Variants in SLC24A2 observed in about 807,000 individuals in gnomAD.
SLC24A2 encodes solute carrier family 24 member 2, also known as sodium/potassium/calcium exchanger 2.
In SLC24A2, 36 loss-of-function variants were observed where a neutral mutation model predicts 62.0. The observed-to-expected ratio is 0.58, with a 90% CI of 0.44 to 0.77. The LOEUF is 0.77. Among genes scored for constraint, SLC24A2 ranks in the 30% least tolerant of loss-of-function variants. The probability of loss-of-function intolerance (pLI) is 0.00; values close to 1 mark genes in which losing one functional copy is unlikely to be tolerated. For synonymous variants in SLC24A2, 358 were observed against 294.0 expected (o/e 1.22, Z -2.23); for missense variants, 846 against 817.9 (o/e 1.03, Z -0.42).
the SLC24A2 span, among the ~76,000 whole-genome samples, chr9:20,168,236 A>G: frequency 3.3e-5 from 5 of 152,076 alleles, no homozygotes; most frequent in African/African-American, 9.6e-5. Flanking sequence ...AAACTAGTCA[A>G]TCTGATAAAG....
intron 2 of SLC24A2, among the ~76,000 whole-genome samples, chr9:19,778,175 C>T (rs1211439102): frequency 6.6e-6 from 1 of 152,152 alleles, no homozygotes; most frequent in Non-Finnish European, 1.5e-5. Flanking sequence ...TAATATATTA[C>T]TCCCTAAAAT....
At chr9:19,867,008 G>T in the SLC24A2 span, among the ~76,000 whole-genome samples, 1 of 151,806 alleles carries the variant, frequency 6.6e-6, no homozygotes, top group Non-Finnish European at 1.5e-5. Context: ...AACACAACAG[G>T]GTGACCATGG....
the SLC24A2 span, among the ~76,000 whole-genome samples, chr9:20,034,011 A>T: frequency 6.6e-6 from 1 of 152,166 alleles, no homozygotes; most frequent in Non-Finnish European, 1.5e-5. Context: ...CCACATTAGC[A>T]CTGTAGATAT....
At chr9:20,279,249 G>GGCCAGACA in the SLC24A2 span, among the ~76,000 whole-genome samples, 1 of 152,298 alleles carries the variant, frequency 6.6e-6, no homozygotes, top group African/African-American at 2.4e-5. Context: ...ATTTAAAACC[G>GGCCAGACA]GCCAGACATG....
the SLC24A2 span, among the ~76,000 whole-genome samples, chr9:19,894,099 G>A: frequency 6.6e-6 from 1 of 152,152 alleles, no homozygotes; most frequent in African/African-American, 2.4e-5. Flanking sequence ...GCTAAATTCA[G>A]GATTTATGTT....
At chr9:19,522,068 G>A (rs1833232555) in intron 9 of SLC24A2, among the ~76,000 whole-genome samples, 1 of 152,102 alleles carries the variant, frequency 6.6e-6, no homozygotes, top group African/African-American at 2.4e-5. Flanking sequence ...GAGTGCAGTG[G>A]CACAGCCACA....
the SLC24A2 span, among the ~76,000 whole-genome samples, chr9:20,119,661 T>C: frequency 6.6e-6 from 1 of 152,154 alleles, no homozygotes; most frequent in Admixed American, 6.5e-5. Context: ...TAATGAATAG[T>C]GTAAGGCTGA....
intron 2 of SLC24A2, among the ~76,000 whole-genome samples, chr9:19,695,013 G>T (rs956296962): frequency 1.8e-4 from 26 of 148,366 alleles, no homozygotes; most frequent in African/African-American, 5.9e-4. Flanking sequence ...TTTAAATTTG[G>T]GGCAAATAAA....
chr9:20,037,632 T>C, the SLC24A2 span, among the ~76,000 whole-genome samples: 4 of 152,200 alleles, frequency 2.6e-5, no homozygotes, highest in African/African-American at 9.7e-5. Flanking sequence ...TGGTCCCAAA[T>C]AGACTATTTA....
rs370040707 is a variant in SLC24A2 at position 19,697,276 on chromosome 9, C to T, written c.931-74977G>A. 7.9e-5 allele frequency among the ~76,000 whole-genome samples: 12 copies of T among 152,162 alleles called. No individual in the cohort carries two copies. In the East Asian group the frequency reaches 1.4e-3, roughly 17 times the overall value. ...TGGTGGGGAACAACACACACTGGGG[C>T]CTGCCGGGGGTGCAGCGGGAGGGAG... is the stretch of plus-strand genomic sequence containing the variant. On this transcript the variant is annotated intron_variant, in intron 2 of 10. Transcript: ENST00000341998.
At chr9:20,242,665 C>T in the SLC24A2 span, among the ~76,000 whole-genome samples, 1 of 152,218 alleles carries the variant, frequency 6.6e-6, no homozygotes, top group Non-Finnish European at 1.5e-5. Flanking sequence ...CGGGATGCAA[C>T]ACCTGACATG....
chr9:19,560,944 G>GAGACAGACAGAC (rs1554677554), intron 7 of SLC24A2, among the ~76,000 whole-genome samples: 247 of 143,196 alleles, frequency 1.7e-3, no homozygotes, highest in Non-Finnish European at 2.1e-3. Flanking sequence ...GAGAGAGAGA[G>GAGACAGACAGAC]AGACAGAGTC....
At chr9:20,029,143 C>T in the SLC24A2 span, among the ~76,000 whole-genome samples, 2 of 152,162 alleles carry the variant, frequency 1.3e-5, no homozygotes, top group Admixed American at 6.5e-5. Flanking sequence ...GCTACATCTT[C>T]GTCACCAAAG....
chr9:19,647,598 GACA>G (rs1391918136), intron 2 of SLC24A2, among the ~76,000 whole-genome samples: 1 of 152,194 alleles, frequency 6.6e-6, no homozygotes, highest in Non-Finnish European at 1.5e-5. Flanking sequence ...TTAAGGGCAG[GACA>G]ACATGTACAT....
the SLC24A2 span, among the ~76,000 whole-genome samples, chr9:20,100,042 A>G: frequency 6.6e-6 from 1 of 151,528 alleles, no homozygotes; most frequent in Non-Finnish European, 1.5e-5. Context: ...TTTTTTAGAC[A>G]GGGTCTCATT....
At chr9:20,127,079 C>T in the SLC24A2 span, among the ~76,000 whole-genome samples, 1 of 151,884 alleles carries the variant, frequency 6.6e-6, no homozygotes, top group Non-Finnish European at 1.5e-5. Flanking sequence ...TTTACCCCAC[C>T]CTAACCCCTC....
rs1037226267 is a variant in SLC24A2 at position 19,511,883 on chromosome 9, G to A, written c.*4270C>T. 6.6e-6 allele frequency: 1 copy of A among 152,342 alleles called. No homozygotes were observed. The highest frequency in any genetic ancestry group is 1.5e-5 in the Non-Finnish European group (1 of 68,154). 9.4% of individuals were successfully genotyped at this position (152,342 alleles called of 1,614,324 possible). ...TAATCTCGCGTGTGTGTGGGGGTGT[G>A]GGTGTGTGTTTGGTAGATGTGGGGA... On this transcript the variant is annotated 3_prime_UTR_variant, in exon 11 of 11. Coordinates refer to ENST00000341998, the MANE Select transcript of SLC24A2 (RefSeq NM_020344.4).
chr9:20,267,322 G>C, the SLC24A2 span, among the ~76,000 whole-genome samples: 380 of 152,030 alleles, frequency 2.5e-3, 4 homozygotes, highest in African/African-American at 8.9e-3. Context: ...AATTTGTCCA[G>C]GTCTCCTGGT....
chr9:19,515,995 G>T lies in SLC24A2; in HGVS notation c.*158C>A. 1.1e-6 allele frequency: 1 copy of T among 897,568 alleles called. No homozygotes were observed. The highest frequency in any genetic ancestry group is 1.8e-6 in the Non-Finnish European group (1 of 542,194). The allele number at this position is 897,568 out of a possible 1,614,324, so 55.6% of individuals were successfully genotyped here. A position where few individuals can be genotyped will look rare whatever the true frequency, so the allele number is the denominator to read the frequency against. ...GTGGAAGCAGCCTGTGAAGTGAATGGGCCCAGTGTGAATCCATCTCTCCTC... is the reference window on the plus strand; with the variant it reads ...GTGGAAGCAGCCTGTGAAGTGAATGTGCCCAGTGTGAATCCATCTCTCCTC... On this transcript the variant is annotated 3_prime_UTR_variant, in exon 11 of 11. Transcript: ENST00000341998.
Sources: gnomAD v4.1 joint callset for allele counts (sites outside exome capture counted in the v4.1 genomes callset) on GRCh38, gnomAD v4.1.1 for gene constraint, MANE v1.5 for transcripts, NCBI Gene and HGNC (gene_info 2026-07-23, HGNC 2026-07-21) for gene names.